EIF4ENIF1: variants seen among roughly 807,000 people sequenced by gnomAD.
EIF4ENIF1 encodes eukaryotic translation initiation factor 4E nuclear import factor 1, also known as eukaryotic translation initiation factor 4E transporter.
EIF4ENIF1 carries 23 observed loss-of-function variants against 110.5 expected under a neutral mutation model. That is an observed-to-expected ratio of 0.21 (90% CI 0.15 to 0.29). EIF4ENIF1 has a LOEUF of 0.29. Among genes scored for constraint, EIF4ENIF1 ranks in the 10% least tolerant of loss-of-function variants. The probability of loss-of-function intolerance (pLI) is 1.00; values close to 1 mark genes in which losing one functional copy is unlikely to be tolerated. For synonymous variants in EIF4ENIF1, 440 were observed against 437.0 expected (o/e 1.01, Z -0.09); for missense variants, 1,031 against 1,221.1 (o/e 0.84, Z 2.32).
chr22:31,456,655 C>G (rs2050841840), intron 7 of EIF4ENIF1, among the ~76,000 whole-genome samples: 1 of 152,154 alleles, frequency 6.6e-6, no homozygotes, highest in Non-Finnish European at 1.5e-5. Context: ...GCTGGGACTA[C>G]AGGCATACGC....
At chr22:31,463,230 A>C in intron 5 of EIF4ENIF1, 97 bp from the exon 6 acceptor site, 1 of 1,212,694 alleles carries the variant, frequency 8.2e-7, no homozygotes, top group South Asian at 1.4e-5. Context: ...TGAAAGGAAG[A>C]TATGATGCTG....
intron 11 of EIF4ENIF1, 88 bp downstream of exon 11, chr22:31,450,201 T>A: frequency 9.8e-7 from 1 of 1,022,810 alleles, no homozygotes; most frequent in African/African-American, 1.6e-5. Context: ...GATCATTTTC[T>A]AAGGCCCAAA....
chr22:31,461,100 TTC>T (rs1224543852), intron 6 of EIF4ENIF1, among the ~76,000 whole-genome samples: 5 of 152,254 alleles, frequency 3.3e-5, no homozygotes, highest in Non-Finnish European at 5.9e-5. Context: ...ACATGTGTTC[TTC>T]AATGCTAAAG....
chr22:31,441,134 A>G (rs2050282022), intron 17 of EIF4ENIF1, among the ~76,000 whole-genome samples: 1 of 152,178 alleles, frequency 6.6e-6, no homozygotes, highest in Admixed American at 6.5e-5. Flanking sequence ...AGGCGCCTGT[A>G]ATCCCAGCTA....
intron 7 of EIF4ENIF1, among the ~76,000 whole-genome samples, chr22:31,457,849 TATAAG>T (rs1182235558): frequency 2.0e-5 from 3 of 152,312 alleles, no homozygotes; most frequent in Middle Eastern, 3.4e-3. Context: ...TTAATTAAAA[TATAAG>T]ATAAGCATGA....
At chr22:31,473,653 T>C (rs2051468988) in intron 2 of EIF4ENIF1, among the ~76,000 whole-genome samples, 1 of 152,216 alleles carries the variant, frequency 6.6e-6, no homozygotes, top group East Asian at 1.9e-4. Context: ...TAAATATCCA[T>C]GGGGCAGAAT....
intron 14 of EIF4ENIF1, chr22:31,446,897 G>C (rs991488544): frequency 2.7e-6 from 1 of 369,082 alleles, no homozygotes; most frequent in Admixed American, 4.3e-5. Flanking sequence ...AGAGAAGAGT[G>C]AACTCAGTAC....
intron 4 of EIF4ENIF1, among the ~76,000 whole-genome samples, chr22:31,465,699 T>C (rs779358605): frequency 1.3e-5 from 2 of 152,228 alleles, no homozygotes; most frequent in African/African-American, 4.8e-5. Flanking sequence ...AGAAAGCTTA[T>C]GTCCAGAGAC....
rs1379593545 is a variant in EIF4ENIF1, at chr22:31,444,560, CAG to C, written c.2073+44_2073+45del. 4.4e-6 allele frequency: 7 copies of C among 1,583,972 alleles called. No homozygotes were observed. In the Admixed American group the frequency reaches 1.0e-4, roughly 23 times the overall value. On this transcript the variant is annotated intron_variant, in intron 15 of 18. Transcript: ENST00000330125. Reference sequence around the variant, plus strand: ...GTGGTACAATCCATGCACAACCAAACAGGGAGAAGCCTTAAAGTCCTTCACAG... The same window carrying C: ...GTGGTACAATCCATGCACAACCAAACGGAGAAGCCTTAAAGTCCTTCACAG...
At chr22:31,437,521 T>A (rs1438875657), downstream of EIF4ENIF1, among the ~76,000 whole-genome samples, 2 of 144,556 alleles carry the variant, frequency 1.4e-5, no homozygotes, top group Non-Finnish European at 3.0e-5. Flanking sequence ...CCTGTATGTC[T>A]AGCTTCTGCT....
At chr22:31,455,382 T>G (rs8142770) in intron 8 of EIF4ENIF1, 67 bp from the exon 9 acceptor site, 1 of 1,250,960 alleles carries the variant, frequency 8.0e-7, no homozygotes, top group East Asian at 2.8e-5. Flanking sequence ...TTCGACAGTA[T>G]TTTTCTTTCT....
At chr22:31,455,412 T>TC in intron 8 of EIF4ENIF1, 97 bp from the exon 9 acceptor site, 1 of 1,068,608 alleles carries the variant, frequency 9.4e-7, no homozygotes, top group Non-Finnish European at 1.2e-6. Flanking sequence ...TTTTTTTTTT[T>TC]CTTTGAGATG....
intron 2 of EIF4ENIF1, among the ~76,000 whole-genome samples, chr22:31,486,363 C>CT (rs1471351978): frequency 6.6e-6 from 1 of 152,152 alleles, no homozygotes; most frequent in East Asian, 1.9e-4. Context: ...ACTTGGGAGG[C>CT]TGAGGCAGGA....
intron 3 of EIF4ENIF1, among the ~76,000 whole-genome samples, chr22:31,471,408 G>A (rs953935863): frequency 4.6e-5 from 7 of 151,106 alleles, no homozygotes; most frequent in South Asian, 2.1e-4. Flanking sequence ...TCCGCCTCCC[G>A]AGTTCATGCC....
intron 3 of EIF4ENIF1, 131 bp from the exon 4 acceptor site, chr22:31,468,433 C>A: frequency 2.3e-6 from 3 of 1,324,812 alleles, no homozygotes; most frequent in Non-Finnish European, 3.1e-6. Context: ...CTCGCTCTGT[C>A]GCCCAGGATG....
At chr22:31,477,966 G>T (rs555173577) in intron 2 of EIF4ENIF1, among the ~76,000 whole-genome samples, 5 of 152,338 alleles carry the variant, frequency 3.3e-5, no homozygotes, top group African/African-American at 1.2e-4. Flanking sequence ...AATTTCTGCA[G>T]TGAATGTTCA....
chr22:31,444,215 G>A (rs936682385), intron 15 of EIF4ENIF1, among the ~76,000 whole-genome samples: 43 of 152,058 alleles, frequency 2.8e-4, no homozygotes, highest in African/African-American at 8.2e-4. Flanking sequence ...TGGTGAATCC[G>A]AATTTGTGAA....
chr22:31,493,182 C>T (rs192077243), upstream of EIF4ENIF1, among the ~76,000 whole-genome samples: 28 of 151,970 alleles, frequency 1.8e-4, no homozygotes, highest in East Asian at 5.2e-3. Flanking sequence ...AGGCGCCCGC[C>T]ACCACGCCCG....
intron 10 of EIF4ENIF1, chr22:31,453,278 C>A: frequency 3.1e-6 from 1 of 319,766 alleles, no homozygotes; most frequent in Admixed American, 3.8e-5. Flanking sequence ...CACCTTGTAA[C>A]CTAACTTCAT....
Sources: gnomAD v4.1 joint callset for allele counts (sites outside exome capture counted in the v4.1 genomes callset) on GRCh38, gnomAD v4.1.1 for gene constraint, MANE v1.5 for transcripts, NCBI Gene and HGNC (gene_info 2026-07-23, HGNC 2026-07-21) for gene names.